MPPE1: variants seen among roughly 807,000 people sequenced by gnomAD.
The protein encoded by MPPE1 is metallophosphoesterase 1, also known as metallo phosphoesterase.
In MPPE1, 28 loss-of-function variants were observed where a neutral mutation model predicts 43.8. The ratio of observed to expected loss-of-function variants is 0.64; its 90% CI spans 0.47 to 0.88. The LOEUF (loss-of-function observed/expected upper bound fraction) is 0.88, where lower values mean the gene tolerates loss of function less well. MPPE1 is among the 40% of genes least tolerant of loss of function. The pLI is 0.00. For missense variants in MPPE1, 428 were observed against 492.2 expected (o/e 0.87, Z 1.23); for synonymous variants, 159 against 188.5 (o/e 0.84, Z 1.28).
intron 5 of MPPE1, among the ~76,000 whole-genome samples, 195 bp from the exon 6 acceptor site, chr18:11,888,938 C>T (rs1333076658): frequency 2.0e-5 from 3 of 152,194 alleles, no homozygotes; most frequent in Admixed American, 6.5e-5. Context: ...GGGCAAGTTA[C>T]TCAGCTGCCC....
At chr18:11,905,303 TCAAAACAAAA>T (rs535928278) in intron 2 of MPPE1, 11 of 151,682 alleles carry the variant, frequency 7.3e-5, no homozygotes, top group South Asian at 4.1e-4. Context: ...GGAGACTGTC[TCAAAACAAAA>T]CAAAACAAAA....
At position 11,885,828 on chromosome 18, in the gene MPPE1, C is replaced by G. The variant is rs776091299; in HGVS notation, c.868-12G>C. The G allele has an allele frequency of 4.4e-5, 71 of 1,596,350 alleles. No individual in the cohort carries two copies. The highest frequency in any genetic ancestry group is 1.3e-5 in the African/African-American group (1 of 74,558). On this transcript the variant is annotated splice_polypyrimidine_tract_variant and intron_variant, in intron 9 of 10. Coordinates refer to ENST00000588072, the MANE Select transcript of MPPE1 (RefSeq NM_023075.6). ...AGCCACCACAGCAGCTGACAGTGGC[C>G]GAGAAGACAGCAAAGCAGGCTGTTA...
intron 2 of MPPE1, among the ~76,000 whole-genome samples, chr18:11,904,094 A>G (rs1239504200): frequency 2.0e-5 from 3 of 152,164 alleles, no homozygotes; most frequent in Admixed American, 1.3e-4. Flanking sequence ...CCAAAAATGA[A>G]TTTAAAATAT....
chr18:11,900,467 T>C (rs2039027867), intron 2 of MPPE1, among the ~76,000 whole-genome samples: 1 of 151,816 alleles, frequency 6.6e-6, no homozygotes, highest in African/African-American at 2.4e-5. Flanking sequence ...GATCATGCCA[T>C]TGCACTCCAG....
chr18:11,907,655 C>CTT lies in MPPE1; in HGVS notation c.-200+544_-200+545dup, dbSNP rs3048186. Among the ~76,000 whole-genome samples the CTT allele has an allele frequency of 1.3e-3, 142 of 113,056 alleles. 1 individual carries two copies. Among genetic ancestry groups the CTT allele is most frequent in the East Asian group, 6.5e-3 (27 of 4,138 alleles). The allele number at this position is 113,056 out of a possible 152,430, so 74.2% of individuals were successfully genotyped here. A position where few individuals can be genotyped will look rare whatever the true frequency, so the allele number is the denominator to read the frequency against. The stretch of plus-strand genomic sequence containing the variant: ...TTCAGGTGCGTGCCACTACACCTGG[C>CTT]TTTTTTTTTTTTTTTTTTTGGTACT... On this transcript the variant is annotated intron_variant, in intron 1 of 10. Transcript: ENST00000588072.
chr18:11,902,047 T>G (rs948910931), intron 2 of MPPE1, among the ~76,000 whole-genome samples: 1 of 152,352 alleles, frequency 6.6e-6, no homozygotes, highest in Admixed American at 6.5e-5. Context: ...CTCTTTTCTC[T>G]AAGGCAAACC....
chr18:11,884,732 G>T, intron 10 of MPPE1, 105 bp from the exon 11 acceptor site: 1 of 1,370,474 alleles, frequency 7.3e-7, no homozygotes, highest in Non-Finnish European at 1.0e-6. Context: ...TCCCCCTCAG[G>T]TGAGGCAGGG....
intron 2 of MPPE1, among the ~76,000 whole-genome samples, chr18:11,900,789 C>A (rs189820411): frequency 2.6e-5 from 4 of 151,936 alleles, no homozygotes; most frequent in South Asian, 2.1e-4. Context: ...CGCCTGTAGT[C>A]CCAGCTACTC....
At chr18:11,899,349 G>C (rs1567964866) in intron 2 of MPPE1, among the ~76,000 whole-genome samples, 1 of 152,236 alleles carries the variant, frequency 6.6e-6, no homozygotes, top group Non-Finnish European at 1.5e-5. Context: ...ACTGCAACCA[G>C]ATTATATGTT....
intron 1 of MPPE1, among the ~76,000 whole-genome samples, chr18:11,906,746 C>T (rs1035852802): frequency 6.6e-6 from 1 of 151,448 alleles, no homozygotes; most frequent in East Asian, 1.9e-4. Flanking sequence ...CCCAGCTACT[C>T]GGGAGGCTGA....
intron 10 of MPPE1, 94 bp downstream of exon 10, chr18:11,885,581 TA>T: frequency 6.8e-7 from 1 of 1,463,902 alleles, no homozygotes; most frequent in South Asian, 1.3e-5. Flanking sequence ...GTGGCTTTTG[TA>T]AATTTTGACC....
intron 10 of MPPE1, chr18:11,884,979 T>C: frequency 7.7e-7 from 1 of 1,303,346 alleles, no homozygotes. Context: ...GGGTCATCGG[T>C]CAGCGAGGAA....
chr18:11,896,936 C>A, intron 3 of MPPE1, 48 bp downstream of exon 3: 1 of 1,551,262 alleles, frequency 6.4e-7, no homozygotes, highest in Admixed American at 1.8e-5. Flanking sequence ...GAGGGCTATA[C>A]CGTTTTGCCT....
At chr18:11,900,555 T>C (rs1246555143) in intron 2 of MPPE1, among the ~76,000 whole-genome samples, 2 of 152,092 alleles carry the variant, frequency 1.3e-5, no homozygotes, top group Non-Finnish European at 2.9e-5. Context: ...GTCCCTAGCT[T>C]GTTTTACACT....
intron 4 of MPPE1, chr18:11,891,258 G>C (rs967620681): frequency 3.9e-5 from 6 of 152,188 alleles, no homozygotes; most frequent in African/African-American, 1.4e-4. Context: ...CGGATCACTT[G>C]AAGTCAGGAG....
chr18:11,893,526 G>A lies in MPPE1; in HGVS notation c.332C>T (p.Pro111Leu), dbSNP rs914134446. 20 of 1,613,990 alleles carry A rather than the reference G, an allele frequency of 1.2e-5. No individual in the cohort carries two copies. Among genetic ancestry groups the A allele is most frequent in the East Asian group, 6.7e-5 (3 of 44,892 alleles). The change falls in exon 4 of 11, where the codon CCG becomes CTG. Residue 111 changes from proline (P) to leucine (L), a missense_variant. Physicochemically the swap from Pro to Leu is moderately conservative, Grantham distance 98 (BLOSUM62 -3). Around this residue, in one of 3 missense-constraint regions of MPPE1, gnomAD observed 379 missense variants for 402.5 expected, o/e 0.94. Transcript: ENST00000588072. Reference protein sequence around the residue: ...AFQTALWLLQPEVVFILGDIF... With the variant: ...AFQTALWLLQLEVVFILGDIF... The stretch of plus-strand genomic sequence containing the variant: ...ATCCCCCAGGATGAAGACGACTTCC[G>A]GCTGCAGCAACCACAGAGCTGTCTG...
intron 4 of MPPE1, among the ~76,000 whole-genome samples, chr18:11,890,132 C>T (rs554314053): frequency 8.6e-5 from 13 of 151,404 alleles, no homozygotes; most frequent in South Asian, 6.3e-4. Context: ...TTAGTAGAGA[C>T]GGGGTTTCAC....
chr18:11,884,556 G>A lies in MPPE1; in HGVS notation c.1080C>T (p.Ile360=). Residue 360 remains isoleucine (I), a synonymous_variant, in exon 11 of 11, where the codon ATC becomes ATT. Coordinates refer to ENST00000588072, the MANE Select transcript of MPPE1 (RefSeq NM_023075.6). ...YLPREDVVLI[I]YCGVVGFLVV... is the part of the protein sequence containing the mutation. ...CAAGGAAGCCCACCACTCCACAGTAGATGATCAAAACCACATCCTCACGTG... is the reference window on the plus strand; with the variant it reads ...CAAGGAAGCCCACCACTCCACAGTAAATGATCAAAACCACATCCTCACGTG... The A allele has an allele frequency of 6.2e-7, 1 of 1,614,056 alleles. No homozygotes were observed. The highest frequency in any genetic ancestry group is 8.5e-7 in the Non-Finnish European group (1 of 1,180,024).
rs756208945 is a variant in MPPE1, at chr18:11,886,842, T to C, written c.679-64A>G. The C allele has an allele frequency of 2.5e-6, 4 of 1,598,390 alleles. No individual in the cohort carries two copies. Among genetic ancestry groups the C allele is most frequent in the Non-Finnish European group, 3.4e-6 (4 of 1,169,456 alleles). On this transcript the variant is annotated intron_variant, in intron 7 of 10. Coordinates refer to ENST00000588072, the MANE Select transcript of MPPE1 (RefSeq NM_023075.6). This position sits in a 1 kb window ranked among gnomAD's most constrained non-coding sequence, Gnocchi z 4.1. ...ACCCTCATCAAAGGGCAAGAAGCGC[T>C]AGGGGGCTGAGTGAGCAACCGAAGC...
Sources: gnomAD v4.1 joint callset for allele counts (sites outside exome capture counted in the v4.1 genomes callset) on GRCh38, gnomAD v4.1.1 for gene constraint, gnomAD v4.1.1 regional missense constraint, Gnocchi (gnomAD v3.1) non-coding constraint, MANE v1.5 for transcripts, NCBI Gene and HGNC (gene_info 2026-07-23, HGNC 2026-07-21) for gene names.